The following MAP3K21 variants were observed in gnomAD, a reference collection of about 807,000 sequenced individuals.
MAP3K21 encodes mitogen-activated protein kinase kinase kinase 21.
In MAP3K21, 63 loss-of-function variants were observed where a neutral mutation model predicts 86.1. The observed-to-expected ratio is 0.73, with a 90% CI of 0.60 to 0.90. The LOEUF is 0.90. Among genes scored for constraint, MAP3K21 ranks in the 40% least tolerant of loss-of-function variants. The pLI, the probability that MAP3K21 is intolerant of heterozygous loss-of-function variation, is 0.00. For missense variants in MAP3K21, 1,220 were observed against 1,367.7 expected (o/e 0.89, Z 1.70); for synonymous variants, 558 against 564.8 (o/e 0.99, Z 0.17).
chr1:233,366,701 G>A (rs780768785), intron 5 of MAP3K21, among the ~76,000 whole-genome samples: 8 of 152,170 alleles, frequency 5.3e-5, no homozygotes, highest in Non-Finnish European at 7.3e-5. Flanking sequence ...TTTAATATTT[G>A]TGCCTGCAGA....
chr1:233,348,135 T>C (rs73094915), intron 2 of MAP3K21, among the ~76,000 whole-genome samples: 5,374 of 152,246 alleles, frequency 0.035, 264 homozygotes, highest in African/African-American at 0.1. Context: ...ACCCCTTACC[T>C]ATTGTCCCCA....
At chr1:233,381,939 A>G (rs1402437913) in intron 9 of MAP3K21, among the ~76,000 whole-genome samples, 1 of 152,224 alleles carries the variant, frequency 6.6e-6, no homozygotes, top group Non-Finnish European at 1.5e-5. Flanking sequence ...CCGTTATAAT[A>G]TCATTATAAT....
Position 233,383,781 on chromosome 1 carries a change from A to G in MAP3K21, c.*1070A>G, listed in dbSNP as rs1250059114. On this transcript the variant is annotated 3_prime_UTR_variant, in exon 10 of 10. Transcript: ENST00000366624. ...AAGTTAAGTATGTTGTTGTTATTTC[A>G]CATTTCATTTAATTGTGGATAAATG... is the stretch of plus-strand genomic sequence containing the variant. 2.0e-5 allele frequency: 3 copies of G among 152,198 alleles called. No individual in the cohort carries two copies. The highest frequency in any genetic ancestry group is 2.0e-4 in the Admixed American group (3 of 15,282). 9.4% of individuals were successfully genotyped at this position (152,198 alleles called of 1,614,324 possible).
Position 233,338,868 on chromosome 1 carries a change from A to G in MAP3K21, c.806-7574A>G, listed in dbSNP as rs1662963970. 2.6e-5 allele frequency among the ~76,000 whole-genome samples: 4 copies of G among 152,324 alleles called. No individual in the cohort carries two copies. In the South Asian group the frequency reaches 8.3e-4, roughly 32 times the overall value. ...TGGCAGCAGTTTTGAAATTTGATGAAGGGGAACCAGGTTGGAAATATGAAT... is the reference window on the plus strand; with the variant it reads ...TGGCAGCAGTTTTGAAATTTGATGAGGGGGAACCAGGTTGGAAATATGAAT... On this transcript the variant is annotated intron_variant, in intron 1 of 9. Coordinates refer to ENST00000366624, the MANE Select transcript of MAP3K21 (RefSeq NM_032435.3).
rs1572235058 is a variant in MAP3K21 at position 233,328,790 on chromosome 1, G to A, written c.762G>A (p.Glu254=). The A allele has an allele frequency of 1.3e-6, 2 of 1,547,854 alleles. No homozygotes were observed. The highest frequency in any genetic ancestry group is 1.7e-6 in the Non-Finnish European group (2 of 1,146,644). ...GGGGCATGCTCTACCTGCATGAGGA[G>A]GCCTTCGTGCCCATCCTGCACCGGG... is the stretch of plus-strand genomic sequence containing the variant. ...IARGMLYLHE[E]AFVPILHRDL... Residue 254 remains glutamate (E), a synonymous_variant, in exon 1 of 10, where the codon GAG becomes GAA. Transcript: ENST00000366624. The surrounding 1 kb of genome is among the most constrained non-coding windows in gnomAD (Gnocchi z 8.7).
chr1:233,342,885 G>A (rs555601868), intron 1 of MAP3K21, among the ~76,000 whole-genome samples: 1 of 152,188 alleles, frequency 6.6e-6, no homozygotes, highest in African/African-American at 2.4e-5. Flanking sequence ...TAGCCACTGT[G>A]TAACCATGGA....
Position 233,382,504 on chromosome 1 carries a change from G to A in MAP3K21, c.2904G>A (p.Leu968=). The A allele has an allele frequency of 6.2e-7, 1 of 1,614,144 alleles. No homozygotes were observed. Among genetic ancestry groups the A allele is most frequent in the Non-Finnish European group, 8.5e-7 (1 of 1,180,034 alleles). The change falls in exon 10 of 10, where the codon CTG becomes CTA. Residue 968 remains leucine, a synonymous_variant. Coordinates refer to ENST00000366624, the MANE Select transcript of MAP3K21 (RefSeq NM_032435.3). Reference sequence around the variant, plus strand: ...ACCCACAGACAGCAGTGTCTCAGCTGGCACAGACTGCCTGTGTAGTGGGTC... The same window carrying A: ...ACCCACAGACAGCAGTGTCTCAGCTAGCACAGACTGCCTGTGTAGTGGGTC... The part of the protein sequence containing the change: ...QAYPQTAVSQ[L]AQTACVVGRP...
Position 233,327,759 on chromosome 1 carries a change from G to GGCCGGCCGC in MAP3K21, c.-269_-261dup, listed in dbSNP as rs1391844504. On this transcript the variant is annotated 5_prime_UTR_variant, in exon 1 of 10. Coordinates refer to ENST00000366624, the MANE Select transcript of MAP3K21 (RefSeq NM_032435.3). ...CTGGCTAAGGAGCGCGCGGCGGGCG[G>GGCCGGCCGC]GCCGGCCGCAGGGCCTGGGCACGAC... 1.1e-5 allele frequency: 3 copies of GGCCGGCCGC among 267,246 alleles called. No homozygotes were observed. The highest frequency in any genetic ancestry group is 6.7e-5 in the African/African-American group (3 of 44,688). The allele number at this position is 267,246 out of a possible 1,614,324, so 16.6% of individuals were successfully genotyped here. A position where few individuals can be genotyped will look rare whatever the true frequency, so the allele number is the denominator to read the frequency against.
intron 1 of MAP3K21, among the ~76,000 whole-genome samples, chr1:233,339,277 T>TTCC (rs1232428401): frequency 6.6e-5 from 6 of 91,490 alleles, no homozygotes; most frequent in African/African-American, 2.4e-4. Context: ...CCTCTTCTTC[T>TTCC]TCTTCTTCTT....
At chr1:233,354,582 G>A (rs755512782) in intron 3 of MAP3K21, among the ~76,000 whole-genome samples, 14 of 152,036 alleles carry the variant, frequency 9.2e-5, no homozygotes, top group African/African-American at 1.4e-4. Context: ...TATTAAATGC[G>A]GTATAATATA....
chr1:233,361,401 C>T (rs1179776936), intron 4 of MAP3K21, among the ~76,000 whole-genome samples: 2 of 152,114 alleles, frequency 1.3e-5, no homozygotes, highest in African/African-American at 2.4e-5. Context: ...TCTTTGTATA[C>T]AGAATATATT....
chr1:233,332,066 T>C (rs1392374123), intron 1 of MAP3K21, among the ~76,000 whole-genome samples: 1 of 152,138 alleles, frequency 6.6e-6, no homozygotes, highest in African/African-American at 2.4e-5. Flanking sequence ...GCCAGTGTTA[T>C]GCGCATTTAC....
At position 233,367,222 on chromosome 1, in the gene MAP3K21, C is replaced by T. The variant is rs137877326; in HGVS notation, c.1553-4816C>T. 1.1e-4 allele frequency among the ~76,000 whole-genome samples: 17 copies of T among 152,304 alleles called. No individual in the cohort carries two copies. The East Asian group carries it at 1.9e-3, about 17-fold the overall frequency. On this transcript the variant is annotated intron_variant, in intron 5 of 9. Coordinates refer to ENST00000366624, the MANE Select transcript of MAP3K21 (RefSeq NM_032435.3). ...AAAAACCATCTACCTCACAGGTATGCGAGTGAGTAGAAGGGTGGATGGGAG... is the reference window on the plus strand; with the variant it reads ...AAAAACCATCTACCTCACAGGTATGTGAGTGAGTAGAAGGGTGGATGGGAG...
At chr1:233,339,470 C>CCTCCTCCTTCTCCTCCTCCTTCTCCTT (rs1662994458) in intron 1 of MAP3K21, among the ~76,000 whole-genome samples, 1 of 130,418 alleles carries the variant, frequency 7.7e-6, no homozygotes, top group African/African-American at 2.9e-5. Flanking sequence ...TCCTCCTTCT[C>CCTCCTCCTTCTCCTCCTCCTTCTCCTT]CTTCTTCTTC....
intron 2 of MAP3K21, among the ~76,000 whole-genome samples, chr1:233,351,217 AGG>A (rs1300135960): frequency 6.6e-6 from 1 of 152,196 alleles, no homozygotes; most frequent in Non-Finnish European, 1.5e-5. Flanking sequence ...AATTATCAAA[AGG>A]AAACACATAA....
At chr1:233,329,319 T>G (rs1177773837) in intron 1 of MAP3K21, among the ~76,000 whole-genome samples, 2 of 152,156 alleles carry the variant, frequency 1.3e-5, no homozygotes, top group African/African-American at 4.8e-5. Context: ...AAAATATGAC[T>G]TCATGTCTCT....
At chr1:233,352,125 A>G (rs1663262112) in intron 2 of MAP3K21, among the ~76,000 whole-genome samples, 2 of 152,026 alleles carry the variant, frequency 1.3e-5, no homozygotes, top group African/African-American at 4.8e-5. Flanking sequence ...GGGCTCAAGC[A>G]TTCTGCCCAC....
chr1:233,379,918 A>T (rs1663882315), intron 9 of MAP3K21, among the ~76,000 whole-genome samples: 1 of 152,216 alleles, frequency 6.6e-6, no homozygotes, highest in African/African-American at 2.4e-5. Flanking sequence ...AATTTCAGTA[A>T]CTGAAACCTA....
rs34984140 is a variant in MAP3K21, at chr1:233,376,030, C to T, written c.1790C>T (p.Ser597Phe). ...AAAGGTTGTACCTGGGGACCAAATT[C>T]CATTCAAATGAAAGATAGAACAGAT... ...KKKGCTWGPN[S>F]IQMKDRTDCK... The change falls in exon 7 of 10, where the codon TCC becomes TTC. Residue 597 changes from serine (S) to phenylalanine (F), a missense_variant. Around this residue, in one of 5 missense-constraint regions of MAP3K21, gnomAD observed 632 missense variants for 691.3 expected, o/e 0.91. Coordinates refer to ENST00000366624, the MANE Select transcript of MAP3K21 (RefSeq NM_032435.3). The T allele has an allele frequency of 2.6e-3, 4,234 of 1,608,574 alleles. 7 individuals are homozygous for T. Among genetic ancestry groups the T allele is most frequent in the Non-Finnish European group, 2.9e-3 (3,381 of 1,178,548 alleles).
Sources: allele counts gnomAD v4.1 joint callset (sites outside exome capture counted in the v4.1 genomes callset), GRCh38; gene constraint gnomAD v4.1.1; regional missense constraint gnomAD v4.1.1; non-coding constraint Gnocchi (gnomAD v3.1); transcripts MANE v1.5; gene names NCBI Gene and HGNC (gene_info 2026-07-23, HGNC 2026-07-21).